Variants in PPM1H observed in about 807,000 individuals in gnomAD.
PPM1H encodes the protein protein phosphatase, Mg2+/Mn2+ dependent 1H.
A neutral mutation model predicts 54.9 loss-of-function variants in PPM1H; 27 were observed. The observed-to-expected ratio is 0.49, with a 90% confidence interval of 0.36 to 0.68. The LOEUF (loss-of-function observed/expected upper bound fraction) is 0.68, where lower values mean the gene tolerates loss of function less well. Among genes scored for constraint, PPM1H ranks in the 30% least tolerant of loss-of-function variants. The pLI is 0.00. For synonymous variants in PPM1H, 305 were observed against 270.8 expected (o/e 1.13, Z -1.24); for missense variants, 596 against 667.8 (o/e 0.89, Z 1.19).
At chr12:62,878,058 C>T (rs1013508974) in intron 1 of PPM1H, among the ~76,000 whole-genome samples, 3 of 152,034 alleles carry the variant, frequency 2.0e-5, no homozygotes, top group Non-Finnish European at 4.4e-5. Flanking sequence ...CCACCACGCC[C>T]GGCTAATTTT....
intron 4 of PPM1H, among the ~76,000 whole-genome samples, chr12:62,780,255 T>G (rs1316581600): frequency 6.6e-6 from 1 of 152,174 alleles, no homozygotes; most frequent in Non-Finnish European, 1.5e-5. Flanking sequence ...TTAAATACAT[T>G]TAAAAAAATG....
rs572020189 is a variant in PPM1H at position 62,677,141 on chromosome 12, T to C, written c.1246-9812A>G. ...CCACTGAGGGCTGCACTCATCAGGA[T>C]GACCTGCCTGTGGAAAGAAGCTACC... is the stretch of plus-strand genomic sequence containing the variant. On this transcript the variant is annotated intron_variant, in intron 8 of 9. Coordinates refer to ENST00000228705, the MANE Select transcript of PPM1H (RefSeq NM_020700.2). Among the ~76,000 whole-genome samples, 15 of 152,290 alleles carry C rather than the reference T, an allele frequency of 9.8e-5. No individual in the cohort carries two copies. The East Asian group carries it at 2.9e-3, about 29-fold the overall frequency.
intron 9 of PPM1H, among the ~76,000 whole-genome samples, chr12:62,653,992 A>G (rs2075829772): frequency 6.6e-6 from 1 of 152,064 alleles, no homozygotes; most frequent in Non-Finnish European, 1.5e-5. Context: ...TTGTAATCCT[A>G]GCACTCTGGG....
intron 1 of PPM1H, among the ~76,000 whole-genome samples, chr12:62,858,136 C>T (rs377203974): frequency 6.6e-6 from 1 of 151,774 alleles, no homozygotes; most frequent in Non-Finnish European, 1.5e-5. Context: ...ATTGCTTTCA[C>T]TTCCATTTGA....
chr12:62,684,944 T>A (rs1301230277), intron 8 of PPM1H, among the ~76,000 whole-genome samples: 3 of 152,038 alleles, frequency 2.0e-5, no homozygotes, highest in Non-Finnish European at 4.4e-5. Context: ...TTGTACCTAT[T>A]TTTTTCCCTT....
At chr12:62,850,215 C>T (rs1435927921) in intron 1 of PPM1H, among the ~76,000 whole-genome samples, 2 of 152,166 alleles carry the variant, frequency 1.3e-5, no homozygotes, top group East Asian at 3.8e-4. Context: ...AATCAACCTG[C>T]CTTGGCCTCC....
At chr12:62,673,001 C>G (rs1454617735) in intron 8 of PPM1H, among the ~76,000 whole-genome samples, 7 of 152,210 alleles carry the variant, frequency 4.6e-5, no homozygotes. Flanking sequence ...GGTGATCCAA[C>G]AGATTTAGTT....
intron 6 of PPM1H, among the ~76,000 whole-genome samples, chr12:62,707,694 T>G (rs987492139): frequency 6.6e-5 from 10 of 152,222 alleles, no homozygotes; most frequent in Non-Finnish European, 1.0e-4. Context: ...TGTCTATTAG[T>G]TTTGTATGAA....
intron 1 of PPM1H, among the ~76,000 whole-genome samples, chr12:62,868,511 G>A (rs1234582303): frequency 1.3e-5 from 2 of 152,168 alleles, no homozygotes; most frequent in African/African-American, 4.8e-5. Context: ...AAACAAGGAC[G>A]GCATCCACTG....
rs1161094944 is a variant in PPM1H, at chr12:62,669,969, C to CTTTTTTTTTT, written c.1246-2650_1246-2641dup. On this transcript the variant is annotated intron_variant, in intron 8 of 9. Transcript: ENST00000228705. ...AAAATAGTGTTTAGAGGATTGATTC[C>CTTTTTTTTTT]TTTTTTTTTTTTTTTTTTTTTTTTT... 2.3e-3 allele frequency among the ~76,000 whole-genome samples: 108 copies of CTTTTTTTTTT among 46,428 alleles called. 13 individuals are homozygous for CTTTTTTTTTT. Among genetic ancestry groups the CTTTTTTTTTT allele is most frequent in the African/African-American group, 8.3e-3 (73 of 8,780 alleles). 30.5% of individuals were successfully genotyped at this position (46,428 alleles called of 152,430 possible).
intron 8 of PPM1H, among the ~76,000 whole-genome samples, chr12:62,686,505 A>G (rs2076052805): frequency 6.6e-6 from 1 of 152,188 alleles, no homozygotes; most frequent in Non-Finnish European, 1.5e-5. Context: ...CCTGTGCTCA[A>G]TGGCATTCAA....
intron 9 of PPM1H, among the ~76,000 whole-genome samples, chr12:62,651,927 AC>A (rs1423076509): frequency 3.3e-5 from 5 of 152,152 alleles, no homozygotes; most frequent in Non-Finnish European, 7.4e-5. Context: ...CCATGCCATA[AC>A]CCACTCCAAG....
chr12:62,907,445 T>G (rs1273325934), intron 1 of PPM1H, among the ~76,000 whole-genome samples: 1 of 152,178 alleles, frequency 6.6e-6, no homozygotes, highest in Non-Finnish European at 1.5e-5. Context: ...CACCAAACCC[T>G]GCAGGCTCTT....
At chr12:62,833,069 G>A (rs1868399200) in intron 1 of PPM1H, among the ~76,000 whole-genome samples, 3 of 152,074 alleles carry the variant, frequency 2.0e-5, no homozygotes, top group South Asian at 2.1e-4. Context: ...TTTCCGCACC[G>A]CTTTCTTCTT....
intron 1 of PPM1H, among the ~76,000 whole-genome samples, chr12:62,883,264 C>T (rs1264948973): frequency 6.6e-6 from 1 of 152,070 alleles, no homozygotes; most frequent in Admixed American, 6.6e-5. Flanking sequence ...GCTGACAGGC[C>T]ACCGTAACCA....
chr12:62,911,481 G>A (rs960714418), intron 1 of PPM1H, among the ~76,000 whole-genome samples: 20 of 152,044 alleles, frequency 1.3e-4, no homozygotes, highest in African/African-American at 2.2e-4. Flanking sequence ...CTAAATGTAC[G>A]AGTCAGCATT....
At chr12:62,670,903 T>C (rs2075953187) in intron 8 of PPM1H, among the ~76,000 whole-genome samples, 1 of 152,184 alleles carries the variant, frequency 6.6e-6, no homozygotes, top group Non-Finnish European at 1.5e-5. Flanking sequence ...CAAAAATCTT[T>C]GCTAACTTTC....
At chr12:62,909,826 C>T (rs1232537759) in intron 1 of PPM1H, among the ~76,000 whole-genome samples, 1 of 152,204 alleles carries the variant, frequency 6.6e-6, no homozygotes, top group Non-Finnish European at 1.5e-5. Flanking sequence ...ACATCACCTT[C>T]GCACGTGGCA....
intron 8 of PPM1H, among the ~76,000 whole-genome samples, chr12:62,676,453 A>C (rs1489666265): frequency 6.6e-6 from 1 of 152,194 alleles, no homozygotes; most frequent in East Asian, 1.9e-4. Flanking sequence ...TCCTGGGTGC[A>C]GGTGCAGCCA....
Sources: gnomAD v4.1 joint callset for allele counts (sites outside exome capture counted in the v4.1 genomes callset) on GRCh38, gnomAD v4.1.1 for gene constraint, MANE v1.5 for transcripts, NCBI Gene and HGNC (gene_info 2026-07-23, HGNC 2026-07-21) for gene names.